ADAM7: variants seen among roughly 807,000 people sequenced by gnomAD.
ADAM7 encodes the protein disintegrin and metalloproteinase domain-containing protein 7.
ADAM7 carries 97 observed loss-of-function variants against 102.9 expected under a neutral mutation model. That is an observed-to-expected ratio of 0.94 (90% CI 0.80 to 1.12). The LOEUF is 1.12. ADAM7 is among the 50% of genes most tolerant of loss of function. The pLI, the probability that ADAM7 is intolerant of heterozygous loss-of-function variation, is 0.00. For missense variants in ADAM7, 991 were observed against 908.7 expected (o/e 1.09, Z -1.16); for synonymous variants, 334 against 304.4 (o/e 1.10, Z -1.01).
intron 3 of ADAM7, among the ~76,000 whole-genome samples, chr8:24,452,945 A>C (rs1192616428): frequency 4.7e-5 from 7 of 150,010 alleles, no homozygotes; most frequent in African/African-American, 7.4e-5. Flanking sequence ...TCTGGGTTGA[A>C]AATTCTTTTC....
intron 20 of ADAM7, among the ~76,000 whole-genome samples, chr8:24,501,822 A>G (rs1820770606): frequency 6.6e-6 from 1 of 152,130 alleles, no homozygotes; most frequent in Non-Finnish European, 1.5e-5. Context: ...GTTTAATAAC[A>G]TACTAATTTG....
chr8:24,502,159 G>A (rs536203402), intron 20 of ADAM7, among the ~76,000 whole-genome samples: 1 of 152,132 alleles, frequency 6.6e-6, no homozygotes, highest in African/African-American at 2.4e-5. Context: ...ATTAGATAAT[G>A]AATTCTAAGG....
At chr8:24,455,387 G>C (rs1818993373) in intron 3 of ADAM7, among the ~76,000 whole-genome samples, 1 of 152,106 alleles carries the variant, frequency 6.6e-6, no homozygotes, top group South Asian at 2.1e-4. Context: ...AACAAGGTTA[G>C]CATTAGAGTT....
chr8:24,504,309 AG>A (rs1281389158), intron 20 of ADAM7, among the ~76,000 whole-genome samples: 4 of 152,078 alleles, frequency 2.6e-5, no homozygotes. Context: ...TCCAGACTGC[AG>A]TGAGCTATGA....
At chr8:24,480,967 T>C (rs1247623490) in intron 8 of ADAM7, among the ~76,000 whole-genome samples, 1 of 151,914 alleles carries the variant, frequency 6.6e-6, no homozygotes, top group Non-Finnish European at 1.5e-5. Flanking sequence ...GAAGCTGAGG[T>C]GGGAGGATCC....
At chr8:24,488,460 A>C (rs1820221520) in intron 11 of ADAM7, among the ~76,000 whole-genome samples, 1 of 152,126 alleles carries the variant, frequency 6.6e-6, no homozygotes, top group Non-Finnish European at 1.5e-5. Context: ...ACACAACTAA[A>C]TGTGATGGCT....
chr8:24,447,934 CAA>C (rs1473986270), intron 3 of ADAM7, among the ~76,000 whole-genome samples: 2 of 103,942 alleles, frequency 1.9e-5, no homozygotes, highest in African/African-American at 3.7e-5. Context: ...AAGTAAATAA[CAA>C]AACACACACA....
chr8:24,489,119 G>A, intron 11 of ADAM7, 40 bp from the exon 12 acceptor site: 2 of 1,557,842 alleles, frequency 1.3e-6, no homozygotes, highest in South Asian at 2.5e-5. Context: ...ACTATGCATT[G>A]ATATGATTAA....
chr8:24,490,074 A>G (rs1435844420), intron 12 of ADAM7, among the ~76,000 whole-genome samples: 1 of 152,184 alleles, frequency 6.6e-6, no homozygotes, highest in African/African-American at 2.4e-5. Flanking sequence ...GAGGACCACA[A>G]TTTTAGTATC....
At chr8:24,479,214 T>C (rs1410288962) in intron 8 of ADAM7, among the ~76,000 whole-genome samples, 1 of 152,124 alleles carries the variant, frequency 6.6e-6, no homozygotes, top group Non-Finnish European at 1.5e-5. Context: ...TCTATCATCC[T>C]GATTTAACCT....
At chr8:24,484,644 T>A (rs1315527755) in intron 9 of ADAM7, among the ~76,000 whole-genome samples, 1 of 152,170 alleles carries the variant, frequency 6.6e-6, no homozygotes, top group Non-Finnish European at 1.5e-5. Context: ...ACTTTTACAT[T>A]TTACATTTCA....
chr8:24,499,797 T>TACACACAC (rs35010933), intron 17 of ADAM7, among the ~76,000 whole-genome samples: 4 of 148,204 alleles, frequency 2.7e-5, no homozygotes, highest in African/African-American at 5.0e-5. Flanking sequence ...TATATAGTAA[T>TACACACAC]ACACACACAC....
intron 3 of ADAM7, among the ~76,000 whole-genome samples, chr8:24,449,122 T>G (rs1818679778): frequency 6.6e-6 from 1 of 152,244 alleles, no homozygotes; most frequent in Admixed American, 6.5e-5. Context: ...TACTTGTGCC[T>G]GTGTCTTTAT....
At chr8:24,459,160 G>A (rs1453719333) in intron 3 of ADAM7, among the ~76,000 whole-genome samples, 1 of 151,820 alleles carries the variant, frequency 6.6e-6, no homozygotes, top group East Asian at 1.9e-4. Context: ...GTATGTGTAG[G>A]AAAGAGGTTT....
intron 15 of ADAM7, 23 bp from the exon 16 acceptor site, chr8:24,493,020 T>G (rs773313919): frequency 3.9e-6 from 6 of 1,546,406 alleles, no homozygotes; most frequent in Middle Eastern, 1.7e-4. Flanking sequence ...GTTCCAAGTT[T>G]GAATATTCTG....
chr8:24,447,164 CG>C, intron 2 of ADAM7, 21 bp from the exon 3 acceptor site: 1 of 1,447,810 alleles, frequency 6.9e-7, no homozygotes, highest in South Asian at 1.3e-5. Context: ...GTTGAAGTCA[CG>C]TGATGCCTCT....
chr8:24,496,924 A>C lies in ADAM7; in HGVS notation c.1843-2312A>C, dbSNP rs1168908807. Among the ~76,000 whole-genome samples the C allele has an allele frequency of 3.3e-5, 5 of 152,160 alleles. No homozygotes were observed. The East Asian group carries it at 9.7e-4, about 29-fold the overall frequency. ...GTTGGGAAGGCATGATTGGTTTTAA[A>C]ATGTGAGGACATGAGATTTGGGAGG... On this transcript the variant is annotated intron_variant, in intron 16 of 21. Transcript: ENST00000175238.
chr8:24,477,381 G>C (rs990404997), intron 8 of ADAM7, among the ~76,000 whole-genome samples: 4 of 152,076 alleles, frequency 2.6e-5, no homozygotes, highest in Admixed American at 6.6e-5. Context: ...CTATGCAAGA[G>C]ATGTATCTCT....
intron 3 of ADAM7, among the ~76,000 whole-genome samples, chr8:24,461,656 A>T (rs1248607444): frequency 1.3e-5 from 2 of 151,546 alleles, no homozygotes; most frequent in Non-Finnish European, 1.5e-5. Context: ...TAGTCTTTTG[A>T]TGTAATCTAC....
Sources: gnomAD v4.1 joint callset for allele counts (sites outside exome capture counted in the v4.1 genomes callset) on GRCh38, gnomAD v4.1.1 for gene constraint, MANE v1.5 for transcripts, NCBI Gene and HGNC (gene_info 2026-07-23, HGNC 2026-07-21) for gene names.